Variants in SCHIP1 observed in about 807,000 individuals in gnomAD.
SCHIP1 encodes the protein schwannomin interacting protein 1, also known as schwannomin-interacting protein 1.
A neutral mutation model predicts 29.7 loss-of-function variants in SCHIP1; 8 were observed. The observed-to-expected ratio is 0.27, with a 90% CI of 0.16 to 0.49. The LOEUF is 0.49. Among genes scored for constraint, SCHIP1 ranks in the 20% least tolerant of loss-of-function variants. The pLI is 0.99. For synonymous variants in SCHIP1, 76 were observed against 94.9 expected (o/e 0.80, Z 1.16); for missense variants, 193 against 294.6 (o/e 0.66, Z 2.52).
At chr3:159,371,717 A>G in the SCHIP1 span, among the ~76,000 whole-genome samples, 2 of 152,200 alleles carry the variant, frequency 1.3e-5, no homozygotes, top group African/African-American at 4.8e-5. Context: ...CACATAGCCT[A>G]TGCACATCCT....
the SCHIP1 span, among the ~76,000 whole-genome samples, chr3:159,376,158 A>G: frequency 2.0e-5 from 3 of 152,192 alleles, no homozygotes; most frequent in Non-Finnish European, 4.4e-5. Flanking sequence ...AAAGGTTTTC[A>G]GGAGGATGCA....
chr3:159,626,207 GATATATCTAGATATAT>G, the SCHIP1 span, among the ~76,000 whole-genome samples: 8 of 114,342 alleles, frequency 7.0e-5, 1 homozygote, highest in South Asian at 7.5e-4. Context: ...TAGATAGATA[GATATATCTAGATATAT>G]ATATATCTAG....
chr3:159,688,032 G>C, the SCHIP1 span, among the ~76,000 whole-genome samples: 1 of 152,174 alleles, frequency 6.6e-6, no homozygotes, highest in Non-Finnish European at 1.5e-5. Flanking sequence ...CCAAGTCTTT[G>C]CTATCGTGAA....
At chr3:159,834,276 A>G in the SCHIP1 span, among the ~76,000 whole-genome samples, 2 of 152,250 alleles carry the variant, frequency 1.3e-5, no homozygotes, top group African/African-American at 2.4e-5. Flanking sequence ...TACAAAATAC[A>G]GACATTAAAT....
the SCHIP1 span, among the ~76,000 whole-genome samples, chr3:159,584,540 G>T: frequency 1.3e-5 from 2 of 152,138 alleles, no homozygotes; most frequent in Non-Finnish European, 2.9e-5. Context: ...TCTAGCCGGA[G>T]TTACAGGTCA....
the SCHIP1 span, among the ~76,000 whole-genome samples, chr3:159,490,072 T>C: frequency 6.6e-6 from 1 of 152,186 alleles, no homozygotes; most frequent in Non-Finnish European, 1.5e-5. Flanking sequence ...ATGTAACTGC[T>C]GAGTAATTTT....
chr3:159,746,467 C>T, the SCHIP1 span, among the ~76,000 whole-genome samples: 1 of 152,192 alleles, frequency 6.6e-6, no homozygotes, highest in Non-Finnish European at 1.5e-5. Flanking sequence ...GACTCTAAAT[C>T]ATTTTATAAA....
chr3:159,483,290 C>T, the SCHIP1 span, among the ~76,000 whole-genome samples: 3 of 152,168 alleles, frequency 2.0e-5, no homozygotes, highest in Non-Finnish European at 4.4e-5. Context: ...ATTTGCTTTA[C>T]TGGGTCTACA....
the SCHIP1 span, among the ~76,000 whole-genome samples, chr3:159,651,730 GA>G: frequency 6.6e-6 from 1 of 152,018 alleles, no homozygotes; most frequent in Non-Finnish European, 1.5e-5. Context: ...TTTTTTTACT[GA>G]AAAGTCTAGC....
At chr3:159,581,567 T>C in the SCHIP1 span, among the ~76,000 whole-genome samples, 1 of 151,318 alleles carries the variant, frequency 6.6e-6, no homozygotes, top group Non-Finnish European at 1.5e-5. Context: ...AAGAGGTAAA[T>C]AGCCTCCCCC....
chr3:159,701,342 C>T, the SCHIP1 span, among the ~76,000 whole-genome samples: 1 of 152,062 alleles, frequency 6.6e-6, no homozygotes, highest in Non-Finnish European at 1.5e-5. Flanking sequence ...TACAGAGTTC[C>T]TATATACCCC....
chr3:159,427,970 G>A, the SCHIP1 span, among the ~76,000 whole-genome samples: 1 of 152,098 alleles, frequency 6.6e-6, no homozygotes, highest in Non-Finnish European at 1.5e-5. Flanking sequence ...AATAAATGGT[G>A]CTGGGAAAAC....
the SCHIP1 span, among the ~76,000 whole-genome samples, chr3:159,420,258 C>A: frequency 6.6e-6 from 1 of 152,216 alleles, no homozygotes; most frequent in East Asian, 1.9e-4. Flanking sequence ...CAGAGACAGC[C>A]TCGCAAAAGA....
chr3:159,498,126 C>T, the SCHIP1 span, among the ~76,000 whole-genome samples: 2 of 152,092 alleles, frequency 1.3e-5, no homozygotes, highest in African/African-American at 4.8e-5. Flanking sequence ...GCAATGATTT[C>T]CAAAAATTCA....
the SCHIP1 span, among the ~76,000 whole-genome samples, chr3:159,505,037 A>G: frequency 6.6e-6 from 1 of 152,194 alleles, no homozygotes; most frequent in Non-Finnish European, 1.5e-5. Context: ...AGGGAATAGC[A>G]TCTGCAAAGA....
chr3:159,596,992 AAAAG>A, the SCHIP1 span, among the ~76,000 whole-genome samples: 1 of 152,076 alleles, frequency 6.6e-6, no homozygotes, highest in Admixed American at 6.6e-5. Flanking sequence ...TAAAAAAAAA[AAAAG>A]AAATGAGCCC....
chr3:159,367,261 G>A, the SCHIP1 span, among the ~76,000 whole-genome samples: 899 of 152,158 alleles, frequency 5.9e-3, 8 homozygotes, highest in African/African-American at 0.021. Context: ...GTGTGGTGGC[G>A]CATGCCTGTA....
chr3:159,652,476 T>C, the SCHIP1 span, among the ~76,000 whole-genome samples: 1 of 152,184 alleles, frequency 6.6e-6, no homozygotes, highest in South Asian at 2.1e-4. Context: ...TGTGTTTTCC[T>C]TGGGTACCTA....
chr3:159,896,919 T>G, exon 7 of SCHIP1: 1 of 779,426 alleles, frequency 1.3e-6, no homozygotes, highest in Non-Finnish European at 1.8e-6. Flanking sequence ...GATTGGCCTT[T>G]GCTTCTTAAT....
Sources: gnomAD v4.1 joint callset for allele counts (sites outside exome capture counted in the v4.1 genomes callset) on GRCh38, gnomAD v4.1.1 for gene constraint, MANE v1.5 for transcripts, NCBI Gene and HGNC (gene_info 2026-07-23, HGNC 2026-07-21) for gene names.